Variants in ACLY observed in about 807,000 individuals in gnomAD.
The protein encoded by ACLY is ATP-citrate synthase.
ACLY carries 41 observed loss-of-function variants against 133.0 expected under a neutral mutation model. The observed-to-expected ratio is 0.31, with a 90% CI of 0.24 to 0.40. The LOEUF (loss-of-function observed/expected upper bound fraction) is 0.40, where lower values mean the gene tolerates loss of function less well. Among genes scored for constraint, ACLY ranks in the 10% least tolerant of loss-of-function variants. The probability of loss-of-function intolerance (pLI) is 1.00; values close to 1 mark genes in which losing one functional copy is unlikely to be tolerated. For missense variants in ACLY, 1,046 were observed against 1,453.8 expected, an observed-to-expected ratio of 0.72 and a Z score of 4.56; for synonymous variants, 495 against 549.3, an observed-to-expected ratio of 0.90 and a Z score of 1.38.
Position 41,918,917 on chromosome 17 carries a change from C to T in ACLY, c.-61G>A. ...CCGTGCGCGGCGCTTCTTCCACAGG[C>T]CCGACGAACCCCGCAAAATCCGGAG... On this transcript the variant is annotated 5_prime_UTR_variant, in exon 1 of 29. Coordinates refer to ENST00000352035, the MANE Select transcript of ACLY (RefSeq NM_001096.3). 3.9e-6 allele frequency: 5 copies of T among 1,289,184 alleles called. No homozygotes were observed. The highest frequency in any genetic ancestry group is 5.1e-6 in the Non-Finnish European group (5 of 988,648). 79.9% of individuals were successfully genotyped at this position (1,289,184 alleles called of 1,614,324 possible). A position where few individuals can be genotyped will look rare whatever the true frequency, so the allele number is the denominator to read the frequency against.
chr17:41,892,373 G>A lies in ACLY; in HGVS notation c.1676C>T (p.Ala559Val). 1.2e-6 allele frequency: 2 copies of A among 1,613,622 alleles called. No individual in the cohort carries two copies. Among genetic ancestry groups the A allele is most frequent in the African/African-American group, 2.7e-5 (2 of 74,902 alleles). ...LIPVFKNMAD[A>V]MRKHPEVDVL... The stretch of plus-strand genomic sequence containing the variant: ...ATCTACCTCCGGATGCTTCCTCATG[G>A]CATCAGCCATGTTCTTGAAGACAGG... The change falls in exon 16 of 29, where the codon GCC (alanine) becomes GTC (valine). Residue 559 changes from alanine to valine, a missense_variant. By Grantham distance (64) the Ala-to-Val change is moderately conservative. Transcript: ENST00000352035.
At chr17:41,897,887 G>A (rs2049418957) in intron 12 of ACLY, 48 bp from the exon 13 acceptor site, 2 of 1,537,474 alleles carry the variant, frequency 1.3e-6, no homozygotes, top group Admixed American at 2.1e-5. Flanking sequence ...TCACACCTGG[G>A]AAAAAAGCCA....
intron 17 of ACLY, 120 bp downstream of exon 17, chr17:41,887,479 A>G: frequency 1.3e-6 from 1 of 794,690 alleles, no homozygotes; most frequent in Non-Finnish European, 2.1e-6. Context: ...TTCAACACAT[A>G]CTTCCTGAAT....
At chr17:41,928,521 A>G (rs2050268536) in intron 1 of ACLY, among the ~76,000 whole-genome samples, 1 of 151,942 alleles carries the variant, frequency 6.6e-6, no homozygotes, top group African/African-American at 2.4e-5. Flanking sequence ...TTTCCACATA[A>G]ATCTTAAAAT....
At chr17:41,897,950 T>C in intron 12 of ACLY, 111 bp from the exon 13 acceptor site, 4 of 885,240 alleles carry the variant, frequency 4.5e-6, no homozygotes, top group Non-Finnish European at 6.9e-6. Context: ...TGCACAGCAA[T>C]GCTCTTTATA....
chr17:41,928,960 A>C (rs1459339035), intron 1 of ACLY, among the ~76,000 whole-genome samples: 4 of 152,040 alleles, frequency 2.6e-5, no homozygotes, highest in Non-Finnish European at 4.4e-5. Flanking sequence ...TTGCTCCAGC[A>C]ACAGTCCTCA....
chr17:41,867,766 A>C lies in ACLY; in HGVS notation c.*44T>G. 746 of 1,469,516 alleles carry C rather than the reference A, an allele frequency of 5.1e-4. No homozygotes were observed. Among genetic ancestry groups the C allele is most frequent in the Non-Finnish European group, 6.4e-4 (683 of 1,063,962 alleles). 91.0% of individuals were successfully genotyped at this position (1,469,516 alleles called of 1,614,324 possible). A position where few individuals can be genotyped will look rare whatever the true frequency, so the allele number is the denominator to read the frequency against. On this transcript the variant is annotated 3_prime_UTR_variant, in exon 29 of 29. Transcript: ENST00000352035. ...TGTCTGTACACTTTTTCTTGGGGGAAGAGATCTTGTCTTCAGTTTACTGCA... is the reference window on the plus strand; with the variant it reads ...TGTCTGTACACTTTTTCTTGGGGGACGAGATCTTGTCTTCAGTTTACTGCA...
At chr17:41,877,902 TA>T (rs1204896049) in intron 22 of ACLY, among the ~76,000 whole-genome samples, 200 bp downstream of exon 22, 4 of 152,174 alleles carry the variant, frequency 2.6e-5, no homozygotes, top group African/African-American at 9.7e-5. Context: ...CCTATTGTGG[TA>T]CCTTGTGATC....
At chr17:41,912,619 A>ACTTCC in intron 2 of ACLY, 77 bp from the exon 3 acceptor site, 1 of 1,564,860 alleles carries the variant, frequency 6.4e-7, no homozygotes. Flanking sequence ...CAAATAGAGG[A>ACTTCC]CAGCAGGGAT....
chr17:41,871,892 A>G, intron 24 of ACLY, 60 bp from the exon 25 acceptor site: 2 of 1,606,972 alleles, frequency 1.2e-6, no homozygotes, highest in Non-Finnish European at 8.5e-7. Context: ...AGCTGGGCAA[A>G]CCAACCCAGT....
chr17:41,883,039 A>C, intron 20 of ACLY, 83 bp downstream of exon 20: 1 of 1,163,880 alleles, frequency 8.6e-7, no homozygotes, highest in South Asian at 1.4e-5. Flanking sequence ...CTGCGAATTA[A>C]TAAGATGATT....
chr17:41,872,545 G>C (rs58841133), intron 23 of ACLY, among the ~76,000 whole-genome samples: 3 of 152,082 alleles, frequency 2.0e-5, no homozygotes, highest in Non-Finnish European at 2.9e-5. Flanking sequence ...AGGCTATCTC[G>C]AACTCCTGGC....
intron 19 of ACLY, among the ~76,000 whole-genome samples, chr17:41,883,791 G>A (rs1451383413): frequency 1.3e-5 from 2 of 151,876 alleles, no homozygotes; most frequent in African/African-American, 4.8e-5. Flanking sequence ...CACCATGTAG[G>A]CCACGATGGT....
intron 16 of ACLY, among the ~76,000 whole-genome samples, chr17:41,890,357 T>G (rs1379670828): frequency 6.7e-6 from 1 of 150,066 alleles, no homozygotes; most frequent in Non-Finnish European, 1.5e-5. Flanking sequence ...TTTCTGAGCC[T>G]CCTCTGGCTT....
In ACLY at chr17:41,869,503, G is replaced by A; in HGVS notation, c.3022C>T (p.Leu1008=). ...GAGGTGGTAATCTTCTCTACTTCCA[G>A]TGCATAATCGAGCAGAGGAGTGGCA... The part of the protein sequence containing the change: ...FPATPLLDYA[L]EVEKITTSKK... The change falls in exon 26 of 29, where the codon CTG becomes TTG. Residue 1008 remains leucine (L), a synonymous_variant. Transcript: ENST00000352035. 1 of 1,614,024 alleles carries A rather than the reference G, an allele frequency of 6.2e-7. No homozygotes were observed. The highest frequency in any genetic ancestry group is 8.5e-7 in the Non-Finnish European group (1 of 1,179,978).
chr17:41,904,928 G>A (rs937570664), intron 9 of ACLY, 138 bp from the exon 10 acceptor site: 29 of 765,944 alleles, frequency 3.8e-5, no homozygotes, highest in Non-Finnish European at 5.8e-5. Flanking sequence ...GAGTGAGTAG[G>A]ACAGTCTCTC....
intron 5 of ACLY, 84 bp from the exon 6 acceptor site, chr17:41,909,152 C>T: frequency 2.0e-6 from 2 of 1,018,026 alleles, no homozygotes; most frequent in Non-Finnish European, 3.1e-6. Flanking sequence ...CAATCTCTCA[C>T]TGCCACCGAC....
At position 41,918,942 on chromosome 17, in the gene ACLY, G is replaced by C. The variant is rs1165075665; in HGVS notation, c.-86C>G. The C allele has an allele frequency of 3.9e-6, 5 of 1,289,288 alleles. No individual in the cohort carries two copies. Among genetic ancestry groups the C allele is most frequent in the Non-Finnish European group, 5.1e-6 (5 of 988,646 alleles). The allele number at this position is 1,289,288 out of a possible 1,614,324, so 79.9% of individuals were successfully genotyped here. On this transcript the variant is annotated 5_prime_UTR_variant, in exon 1 of 29. Transcript: ENST00000352035. ...CCCGACGAACCCCGCAAAATCCGGAGCACCCCAGCAGCCGGTAGCTTCCCG... is the reference window on the plus strand; with the variant it reads ...CCCGACGAACCCCGCAAAATCCGGACCACCCCAGCAGCCGGTAGCTTCCCG...
intron 27 of ACLY, 84 bp from the exon 28 acceptor site, chr17:41,868,869 TGAG>T: frequency 6.7e-7 from 1 of 1,482,780 alleles, no homozygotes; most frequent in Middle Eastern, 1.7e-4. Flanking sequence ...TGCCCAAGAA[TGAG>T]AAGAAAAGGG....
Sources: gnomAD v4.1 joint callset for allele counts (sites outside exome capture counted in the v4.1 genomes callset) on GRCh38, gnomAD v4.1.1 for gene constraint, MANE v1.5 for transcripts, NCBI Gene and HGNC (gene_info 2026-07-23, HGNC 2026-07-21) for gene names.